PRKCE: variants seen among roughly 807,000 people sequenced by gnomAD.
PRKCE encodes the protein protein kinase C epsilon, also known as protein kinase C epsilon type.
A neutral mutation model predicts 85.4 loss-of-function variants in PRKCE; 16 were observed. That is an observed-to-expected ratio of 0.19 (90% CI 0.13 to 0.28). The LOEUF (loss-of-function observed/expected upper bound fraction) is 0.28, where lower values mean the gene tolerates loss of function less well. Ranked by LOEUF, PRKCE falls within the 10% of genes least tolerant of loss-of-function variation. The probability of loss-of-function intolerance (pLI) is 1.00; values close to 1 mark genes in which losing one functional copy is unlikely to be tolerated. For synonymous variants in PRKCE, 388 were observed against 371.5 expected (o/e 1.04, Z -0.51); for missense variants, 573 against 975.2 (o/e 0.59, Z 5.49).
chr2:46,165,317 T>TG (rs1441660301), intron 14 of PRKCE, among the ~76,000 whole-genome samples: 1 of 152,248 alleles, frequency 6.6e-6, no homozygotes, highest in African/African-American at 2.4e-5. Context: ...ACTGAGTTTG[T>TG]GCAAGTGATG....
chr2:45,858,880 A>C (rs1440832132), intron 2 of PRKCE, among the ~76,000 whole-genome samples: 1 of 151,830 alleles, frequency 6.6e-6, no homozygotes, highest in Non-Finnish European at 1.5e-5. Flanking sequence ...ACCTCTACTA[A>C]AAATACAAAA....
intron 14 of PRKCE, among the ~76,000 whole-genome samples, chr2:46,168,454 A>G (rs534379063): frequency 2.0e-5 from 3 of 152,208 alleles, no homozygotes; most frequent in Non-Finnish European, 2.9e-5. Context: ...AGAAAGAACT[A>G]TCTGCGAAAG....
chr2:45,926,482 AGAG>A (rs569598385), intron 2 of PRKCE, among the ~76,000 whole-genome samples: 85 of 152,290 alleles, frequency 5.6e-4, no homozygotes, highest in African/African-American at 1.9e-3. Context: ...GTGGTGATAA[AGAG>A]GAGGGGATGT....
chr2:45,896,513 T>C (rs1433084794), intron 2 of PRKCE, among the ~76,000 whole-genome samples: 1 of 152,232 alleles, frequency 6.6e-6, no homozygotes, highest in Non-Finnish European at 1.5e-5. Context: ...TCTGAACTTC[T>C]CTTTTCTGAC....
intron 2 of PRKCE, among the ~76,000 whole-genome samples, chr2:45,935,604 T>C (rs1699385685): frequency 6.6e-6 from 1 of 152,116 alleles, no homozygotes; most frequent in Non-Finnish European, 1.5e-5. Flanking sequence ...CTGTCCATCA[T>C]GGTGAAACCC....
intron 11 of PRKCE, among the ~76,000 whole-genome samples, chr2:46,120,284 T>C (rs754619454): frequency 2.6e-5 from 4 of 152,112 alleles, no homozygotes; most frequent in Middle Eastern, 3.2e-3. Flanking sequence ...CCAGGGAAGA[T>C]TTGGCAATGT....
At chr2:45,866,943 A>G (rs1160626589) in intron 2 of PRKCE, among the ~76,000 whole-genome samples, 2 of 152,102 alleles carry the variant, frequency 1.3e-5, no homozygotes, top group East Asian at 1.9e-4. Context: ...TTTATTGTCT[A>G]CCTTCATATG....
At chr2:45,844,917 A>AT (rs74646478) in intron 2 of PRKCE, among the ~76,000 whole-genome samples, 5,386 of 152,248 alleles carry the variant, frequency 0.035, 229 homozygotes, top group East Asian at 0.14. Context: ...AGCCAAAGCA[A>AT]TTTTCACTGG....
intron 14 of PRKCE, among the ~76,000 whole-genome samples, chr2:46,174,698 A>T (rs574775649): frequency 4.3e-4 from 65 of 151,858 alleles, no homozygotes; most frequent in African/African-American, 1.4e-3. Flanking sequence ...ATGCTTTTTA[A>T]TTTTTTTTGA....
At chr2:45,775,381 G>A (rs550396925) in intron 1 of PRKCE, among the ~76,000 whole-genome samples, 1 of 152,198 alleles carries the variant, frequency 6.6e-6, no homozygotes, top group South Asian at 2.1e-4. Flanking sequence ...CATGCTTCAT[G>A]CAGTGCTCAC....
intron 1 of PRKCE, among the ~76,000 whole-genome samples, chr2:45,762,069 C>G (rs550565332): frequency 1.3e-5 from 2 of 152,318 alleles, no homozygotes; most frequent in East Asian, 3.9e-4. Flanking sequence ...CATTCAGCCA[C>G]TCTCTAGGGG....
intron 14 of PRKCE, among the ~76,000 whole-genome samples, chr2:46,160,865 G>T (rs1007770185): frequency 1.3e-5 from 2 of 152,136 alleles, no homozygotes; most frequent in African/African-American, 4.8e-5. Context: ...GAGTGGGAGT[G>T]GGGGTGGGGG....
intron 1 of PRKCE, among the ~76,000 whole-genome samples, chr2:45,749,790 C>A (rs768185388): frequency 6.6e-6 from 1 of 152,142 alleles, no homozygotes; most frequent in Non-Finnish European, 1.5e-5. Context: ...AAAGTCTTTG[C>A]TCTCAAATGC....
chr2:45,991,370 T>G (rs1232642656), intron 6 of PRKCE, among the ~76,000 whole-genome samples: 1 of 152,148 alleles, frequency 6.6e-6, no homozygotes, highest in African/African-American at 2.4e-5. Context: ...GAGATTTTTT[T>G]TTGTCTGTTT....
chr2:45,836,175 G>A (rs929583176), intron 1 of PRKCE, among the ~76,000 whole-genome samples: 2 of 152,170 alleles, frequency 1.3e-5, no homozygotes, highest in Non-Finnish European at 2.9e-5. Context: ...TCCCATGTGC[G>A]GGACAGACAG....
intron 2 of PRKCE, among the ~76,000 whole-genome samples, chr2:45,853,779 A>G (rs987035802): frequency 1.3e-5 from 2 of 152,214 alleles, no homozygotes; most frequent in South Asian, 2.1e-4. Flanking sequence ...ATTCCACTGT[A>G]CAATCAATTT....
At chr2:46,079,422 G>A (rs1668856120) in intron 10 of PRKCE, among the ~76,000 whole-genome samples, 2 of 152,110 alleles carry the variant, frequency 1.3e-5, no homozygotes, top group South Asian at 4.2e-4. Context: ...CATAAGCCAT[G>A]GCTTATATCA....
intron 14 of PRKCE, among the ~76,000 whole-genome samples, chr2:46,160,570 C>A (rs1050868369): frequency 5.1e-5 from 3 of 58,346 alleles, no homozygotes; most frequent in Non-Finnish European, 1.1e-4. Context: ...GGCAGGCTTG[C>A]TGGGAGGTGA....
chr2:45,980,165 G>A, intron 4 of PRKCE, 131 bp from the exon 5 acceptor site: 1 of 702,894 alleles, frequency 1.4e-6, no homozygotes, highest in Non-Finnish European at 2.4e-6. Context: ...TTTAGGGAGG[G>A]TATTAAATTA....
Sources: gnomAD v4.1 joint callset for allele counts (sites outside exome capture counted in the v4.1 genomes callset) on GRCh38, gnomAD v4.1.1 for gene constraint, MANE v1.5 for transcripts, NCBI Gene and HGNC (gene_info 2026-07-23, HGNC 2026-07-21) for gene names.